Variants in RBFOX2 observed in about 807,000 individuals in gnomAD.
The protein encoded by RBFOX2 is RNA binding fox-1 homolog 2.
Under a neutral mutation model 49.1 loss-of-function variants are expected in RBFOX2, and 10 were observed. That is an observed-to-expected ratio of 0.20 (90% confidence interval 0.13 to 0.35). The LOEUF (loss-of-function observed/expected upper bound fraction) is 0.35. Among genes scored for constraint, RBFOX2 ranks in the 10% least tolerant of loss-of-function variants. The pLI is 1.00. For synonymous variants in RBFOX2, 183 were observed against 187.4 expected (o/e 0.98, Z 0.19); for missense variants, 323 against 486.9 (o/e 0.66, Z 3.17).
chr22:36,027,978 G>T (rs73415795), intron 1 of RBFOX2, among the ~76,000 whole-genome samples: 20,991 of 152,004 alleles, frequency 0.14, 3,342 homozygotes, highest in African/African-American at 0.39. Context: ...AACCTTGTTC[G>T]ATTTCCCCCC....
intron 1 of RBFOX2, among the ~76,000 whole-genome samples, chr22:35,825,924 G>A (rs1227963940): frequency 6.9e-6 from 1 of 145,478 alleles, no homozygotes; most frequent in African/African-American, 2.6e-5. Flanking sequence ...GGAGGTTGCA[G>A]TGAGCCACGA....
upstream of RBFOX2, among the ~76,000 whole-genome samples, chr22:35,940,269 G>T (rs924708909): frequency 2.0e-5 from 3 of 152,130 alleles, no homozygotes; most frequent in African/African-American, 7.2e-5. Context: ...AATAAATGGA[G>T]CTAAATAACC....
intron 2 of RBFOX2, among the ~76,000 whole-genome samples, chr22:35,788,347 T>G (rs1329271247): frequency 6.6e-6 from 1 of 152,206 alleles, no homozygotes; most frequent in Admixed American, 6.5e-5. Flanking sequence ...CAGAAATATT[T>G]TGATTTATGG....
At chr22:35,752,743 G>T in intron 9 of RBFOX2, 1 of 638,212 alleles carries the variant, frequency 1.6e-6, no homozygotes, top group Non-Finnish European at 1.9e-6. Flanking sequence ...GGGCCCACCA[G>T]CCTTTTCTTT....
intron 8 of RBFOX2, among the ~76,000 whole-genome samples, chr22:35,760,885 C>T (rs974589838): frequency 2.6e-5 from 4 of 152,064 alleles, no homozygotes; most frequent in African/African-American, 7.3e-5. Context: ...GTGGCTGACT[C>T]GCAGAGGAAA....
At chr22:35,784,512 T>C (rs1439950494) in intron 2 of RBFOX2, among the ~76,000 whole-genome samples, 1 of 152,236 alleles carries the variant, frequency 6.6e-6, no homozygotes, top group East Asian at 1.9e-4. Flanking sequence ...AGGCCAGCCT[T>C]TGCTGTCCAC....
intron 6 of RBFOX2, among the ~76,000 whole-genome samples, chr22:35,762,960 C>T (rs1194022551): frequency 2.0e-5 from 3 of 152,096 alleles, no homozygotes; most frequent in African/African-American, 7.2e-5. Context: ...TTCAATATTC[C>T]ACATAAAATT....
intron 2 of RBFOX2, among the ~76,000 whole-genome samples, chr22:35,782,391 G>A (rs1482801420): frequency 1.3e-5 from 2 of 152,002 alleles, no homozygotes; most frequent in African/African-American, 4.8e-5. Context: ...GTGCAATCTC[G>A]GGTCACTGCA....
chr22:35,740,256 AGTAAAGCAAGTATGAAG>A (rs1929197383), exon 12 of RBFOX2: 1 of 152,542 alleles, frequency 6.6e-6, no homozygotes, highest in African/African-American at 2.4e-5. Flanking sequence ...CTGGCTGATC[AGTAAAGCAAGTATGAAG>A]GAAGTACATA....
At chr22:35,775,517 G>A (rs373759962) in intron 4 of RBFOX2, among the ~76,000 whole-genome samples, 1 of 152,076 alleles carries the variant, frequency 6.6e-6, no homozygotes, top group Admixed American at 6.5e-5. Flanking sequence ...TGAGTTACAT[G>A]AGAGAAGTAA....
In RBFOX2 at chr22:36,028,516, G is replaced by T. The variant is rs1029634575; in HGVS notation, c.-91C>A. 5.0e-5 allele frequency: 50 copies of T among 1,009,718 alleles called. No homozygotes were observed. The East Asian group carries it at 3.7e-3, about 74-fold the overall frequency. The allele number at this position is 1,009,718 out of a possible 1,614,324, so 62.5% of individuals were successfully genotyped here. ...CGGCCCCGACTGTCGCGACAGGCGG[G>T]CGCGCGCCTGCCCCCGCCCCCGCGT... On this transcript the variant is annotated 5_prime_UTR_variant, in exon 1 of 14. Coordinates refer to the RBFOX2 transcript ENST00000438146.
intron 1 of RBFOX2, among the ~76,000 whole-genome samples, chr22:35,890,956 T>C (rs1458643517): frequency 6.6e-6 from 1 of 151,992 alleles, no homozygotes; most frequent in Non-Finnish European, 1.5e-5. Flanking sequence ...ACCTGTACAA[T>C]AGGGATAATG....
rs551832064 is a variant in RBFOX2, at chr22:36,024,866, G to A, written c.186+3374C>T. Among the ~76,000 whole-genome samples, 44 of 152,074 alleles carry A rather than the reference G, an allele frequency of 2.9e-4. 1 individual carries two copies. Among genetic ancestry groups the A allele is most frequent in the Middle Eastern group, 3.4e-3 (1 of 294 alleles). ...CTTGTTGCCCAGCCTGGAGTGCAAT[G>A]GCGCAACCTCAGCTAACTGCAACCT... On this transcript the variant is annotated intron_variant, in intron 1 of 13. Transcript: ENST00000438146.
At chr22:35,747,490 T>G (rs1189152512) in intron 9 of RBFOX2, 1 of 152,214 alleles carries the variant, frequency 6.6e-6, no homozygotes, top group East Asian at 1.9e-4. Flanking sequence ...CTATTTCAAC[T>G]CAGTTTAGAT....
At chr22:35,977,768 A>G (rs1372422405) in intron 1 of RBFOX2, among the ~76,000 whole-genome samples, 2 of 141,264 alleles carry the variant, frequency 1.4e-5, no homozygotes, top group Non-Finnish European at 3.1e-5. Flanking sequence ...ATATACATGC[A>G]CACACACACA....
intron 2 of RBFOX2, among the ~76,000 whole-genome samples, chr22:35,804,411 T>C (rs1950320796): frequency 6.6e-6 from 1 of 151,958 alleles, no homozygotes; most frequent in Non-Finnish European, 1.5e-5. Context: ...AGAACCCAAG[T>C]ATGATAAAAA....
intron 1 of RBFOX2, among the ~76,000 whole-genome samples, chr22:35,959,748 A>C (rs1395404551): frequency 2.0e-5 from 3 of 152,170 alleles, no homozygotes; most frequent in Non-Finnish European, 4.4e-5. Flanking sequence ...TCCCTCCTTG[A>C]TTCAGTAGTG....
At chr22:35,839,175 G>A (rs934805047) in intron 1 of RBFOX2, among the ~76,000 whole-genome samples, 3 of 152,212 alleles carry the variant, frequency 2.0e-5, no homozygotes, top group Non-Finnish European at 4.4e-5. Flanking sequence ...CAGTGTAAAT[G>A]ATTTCTCATT....
At chr22:35,857,419 A>C (rs2042635905) in intron 1 of RBFOX2, among the ~76,000 whole-genome samples, 1 of 152,228 alleles carries the variant, frequency 6.6e-6, no homozygotes, top group Admixed American at 6.5e-5. Flanking sequence ...CATCCACAGT[A>C]ATTGAAGACT....
Sources: allele counts gnomAD v4.1 joint callset (sites outside exome capture counted in the v4.1 genomes callset), GRCh38; gene constraint gnomAD v4.1.1; transcripts MANE v1.5; gene names NCBI Gene and HGNC (gene_info 2026-07-23, HGNC 2026-07-21).